Variants in KANK2 observed in about 807,000 individuals in gnomAD.
KANK2 encodes KN motif and ankyrin repeat domain-containing protein 2.
In KANK2, 41 loss-of-function variants were observed where a neutral mutation model predicts 74.6. The ratio of observed to expected loss-of-function variants is 0.55; its 90% CI spans 0.43 to 0.71. KANK2 has a LOEUF of 0.71. KANK2 is among the 30% of genes least tolerant of loss of function. The pLI is 0.00. For missense variants in KANK2, 1,148 were observed against 1,196.4 expected, an observed-to-expected ratio of 0.96 and a Z score of 0.60; for synonymous variants, 537 against 519.0, an observed-to-expected ratio of 1.03 and a Z score of -0.47.
At chr19:11,173,805 T>C (rs1224638863) in intron 9 of KANK2, among the ~76,000 whole-genome samples, 9 of 151,712 alleles carry the variant, frequency 5.9e-5, no homozygotes, top group Admixed American at 5.3e-4. Context: ...GTCTCCCTCG[T>C]TAGACTGGGA....
rs140017516 is a variant in KANK2, at chr19:11,174,497, C to T, written c.2044G>A (p.Val682Met). ...CCGCTGTCGAGCAGCTGCTGCACCA[C>T]GGGGAAGTTGGCATGAGACACGGAG... is the stretch of plus-strand genomic sequence containing the variant. ...HYSVSHANFP[V>M]VQQLLDSGVC... The change falls in exon 9 of 13, where the codon GTG becomes ATG. Residue 682 changes from valine (V) to methionine (M), a missense_variant. Physicochemically the swap from Val to Met is conservative, Grantham distance 21. Transcript: ENST00000586659. The T allele has an allele frequency of 2.8e-5, 45 of 1,612,228 alleles. No homozygotes were observed. Among genetic ancestry groups the T allele is most frequent in the Non-Finnish European group, 3.5e-5 (41 of 1,179,284 alleles).
chr19:11,173,167 G>C (rs752098596), intron 9 of KANK2, 44 bp from the exon 10 acceptor site: 1 of 1,587,782 alleles, frequency 6.3e-7, no homozygotes, highest in Non-Finnish European at 8.6e-7. Context: ...ATCGCTGCTA[G>C]TGGACTGCCC....
At chr19:11,172,017 CCAGG>C (rs1292133510) in intron 10 of KANK2, among the ~76,000 whole-genome samples, 4 of 149,064 alleles carry the variant, frequency 2.7e-5, no homozygotes, top group Non-Finnish European at 5.9e-5. Flanking sequence ...ACTCTGTAGC[CCAGG>C]CTGGAGGACA....
rs2078894854 is a variant in KANK2, at chr19:11,192,918, T to C, written c.1162A>G (p.Met388Val). ...VFRSQEVVET[M>V]CPVPAAATSN... ...GTAGCTGCAGCGGGCACTGGGCACA[T>C]TGTCTCCACCACCTCCTGGCTGCGG... The change falls in exon 4 of 13, where the codon ATG becomes GTG. Residue 388 changes from methionine (M) to valine (V), a missense_variant. By Grantham distance (21) the Met-to-Val change is conservative (BLOSUM62 1). Transcript: ENST00000586659. 1.9e-6 allele frequency: 3 copies of C among 1,614,040 alleles called. No homozygotes were observed. In the South Asian group the frequency reaches 3.3e-5, roughly 18 times the overall value.
rs150349589 is a variant in KANK2, at chr19:11,175,923, G to T, written c.1827C>A (p.Asn609Lys). Residue 609 changes from asparagine (N) to lysine (K), a missense_variant, in exon 8 of 13, where the codon AAC (asparagine) becomes AAA (lysine). Coordinates refer to ENST00000586659, the MANE Select transcript of KANK2 (RefSeq NM_001136191.3). Reference protein sequence around the residue: ...LALEKYLDNPNALTERELKVA... With the variant: ...LALEKYLDNPKALTERELKVA... ...GTACCAGCTCCCGCTCTGTGAGGGC[G>T]TTGGGATTGTCCAGGTACTTTTCCA... 267 of 1,613,678 alleles carry T rather than the reference G, an allele frequency of 1.7e-4. 2 individuals carry two copies. The African/African-American group carries it at 3.1e-3, about 19-fold the overall frequency.
intron 4 of KANK2, among the ~76,000 whole-genome samples, chr19:11,180,143 G>A (rs527413389): frequency 2.1e-4 from 32 of 152,268 alleles, no homozygotes; most frequent in Admixed American, 7.8e-4. Flanking sequence ...GAGCAGCACC[G>A]CCCAGCCCAT....
Position 11,178,706 on chromosome 19 carries a change from G to T in KANK2, c.1264C>A (p.Pro422Thr). ...CDGAAGLPEV[P>T]AESSSSPPGS... Reference sequence around the variant, plus strand: ...GGGGGTGACGAAGACGATTCGGCAGGAACTTCTGGGAGGCCTGGAGGGACA... The same window carrying T: ...GGGGGTGACGAAGACGATTCGGCAGTAACTTCTGGGAGGCCTGGAGGGACA... The change falls in exon 5 of 13, where the codon CCT becomes ACT. Residue 422 changes from proline to threonine, a missense_variant. Pro to Thr is a conservative substitution (Grantham distance 38). Transcript: ENST00000586659. 1.3e-6 allele frequency: 2 copies of T among 1,534,990 alleles called. No individual in the cohort carries two copies. The highest frequency in any genetic ancestry group is 1.7e-6 in the Non-Finnish European group (2 of 1,146,484).
At chr19:11,194,636 G>T in intron 2 of KANK2, 46 bp from the exon 3 acceptor site, 1 of 745,880 alleles carries the variant, frequency 1.3e-6, no homozygotes, top group Non-Finnish European at 2.4e-6. Context: ...GTCTGTAGGG[G>T]GAGGGGAGGA....
chr19:11,192,899 G>A lies in KANK2; in HGVS notation c.1181C>T (p.Ala394Val). 9 of 1,614,072 alleles carry A rather than the reference G, an allele frequency of 5.6e-6. No individual in the cohort carries two copies. Among genetic ancestry groups the A allele is most frequent in the Non-Finnish European group, 6.8e-6 (8 of 1,179,994 alleles). Residue 394 changes from alanine (A) to valine (V), a missense_variant, in exon 4 of 13, where the codon GCA (alanine) becomes GTA (valine). Coordinates refer to ENST00000586659, the MANE Select transcript of KANK2 (RefSeq NM_001136191.3). ...CACCATATGGACGTTGCTGGTAGCTGCAGCGGGCACTGGGCACATTGTCTC... is the reference window on the plus strand; with the variant it reads ...CACCATATGGACGTTGCTGGTAGCTACAGCGGGCACTGGGCACATTGTCTC... Reference protein sequence around the residue: ...VVETMCPVPAAATSNVHMVKK... With the variant: ...VVETMCPVPAVATSNVHMVKK...
Position 11,170,263 on chromosome 19 carries a change from G to A in KANK2, c.2212-15C>T. ...GTCTGTCCTGCCTGGGGAGGGCAAG[G>A]AACAGGATTATGGTTCATGCAGGCC... is the stretch of plus-strand genomic sequence containing the variant. On this transcript the variant is annotated splice_polypyrimidine_tract_variant and intron_variant, in intron 10 of 12. Coordinates refer to ENST00000586659, the MANE Select transcript of KANK2 (RefSeq NM_001136191.3). The surrounding 1 kb of genome is among the most constrained non-coding windows in gnomAD (Gnocchi z 5.2). 6.2e-7 allele frequency: 1 copy of A among 1,607,006 alleles called. No individual in the cohort carries two copies. Among genetic ancestry groups the A allele is most frequent in the South Asian group, 1.1e-5 (1 of 91,042 alleles).
In KANK2 at chr19:11,170,175, T is replaced by G; in HGVS notation, c.2285A>C (p.Glu762Ala). ...VDVVKALLAC[E>A]ADVNVQDDDG... ...ATCATCTTGCACGTTGACATCTGCC[T>G]CACAGGCCAGCAGGGCTTTGACAAC... is the stretch of plus-strand genomic sequence containing the variant. Residue 762 changes from glutamate to alanine, a missense_variant, in exon 11 of 13, where the codon GAG (glutamate) becomes GCG (alanine). Transcript: ENST00000586659. The surrounding 1 kb of genome is among the most constrained non-coding windows in gnomAD (Gnocchi z 5.2). 1 of 1,612,082 alleles carries G rather than the reference T, an allele frequency of 6.2e-7. No homozygotes were observed. Among genetic ancestry groups the G allele is most frequent in the African/African-American group, 1.3e-5 (1 of 75,058 alleles).
At chr19:11,172,438 T>TC (rs1234542747) in intron 10 of KANK2, among the ~76,000 whole-genome samples, 1 of 152,190 alleles carries the variant, frequency 6.6e-6, no homozygotes, top group East Asian at 1.9e-4. Flanking sequence ...CTCCTCACTG[T>TC]CCTCAGTGGG....
At chr19:11,190,631 G>A (rs2078814592) in intron 4 of KANK2, among the ~76,000 whole-genome samples, 1 of 152,148 alleles carries the variant, frequency 6.6e-6, no homozygotes. Flanking sequence ...CACAGATAGG[G>A]ACGTTTAGGG....
chr19:11,191,884 T>C (rs2078856577), intron 4 of KANK2, among the ~76,000 whole-genome samples: 1 of 151,980 alleles, frequency 6.6e-6, no homozygotes, highest in East Asian at 1.9e-4. Context: ...ATAACAAGAC[T>C]TTGTCTCTAC....
At chr19:11,182,507 C>T (rs190664184) in intron 4 of KANK2, among the ~76,000 whole-genome samples, 17 of 149,016 alleles carry the variant, frequency 1.1e-4, no homozygotes, top group African/African-American at 3.2e-4. Context: ...GCCTGGGTGA[C>T]GGAGTGAGAC....
chr19:11,185,356 T>C (rs2078646591), intron 4 of KANK2, among the ~76,000 whole-genome samples: 1 of 147,974 alleles, frequency 6.8e-6, no homozygotes, highest in African/African-American at 2.5e-5. Context: ...AACTAATTTT[T>C]AATTAGTAGA....
rs1203760756 is a variant in KANK2, at chr19:11,166,942, C to T, written c.2503-331G>A. On this transcript the variant is annotated intron_variant, in intron 12 of 12. Transcript: ENST00000586659. ...CAGCGGAAACAGCACGTGCAAAGGC[C>T]CTGGGATAAGTGCAGAGGGGTGTGG... Among the ~76,000 whole-genome samples, 4 of 152,026 alleles carry T rather than the reference C, an allele frequency of 2.6e-5. No homozygotes were observed. In the East Asian group the frequency reaches 7.7e-4, roughly 29 times the overall value.
At chr19:11,178,313 A>T in intron 6 of KANK2, 32 bp downstream of exon 6, 1 of 600,714 alleles carries the variant, frequency 1.7e-6, no homozygotes, top group Non-Finnish European at 2.4e-6. Context: ...GGCGGGAAGT[A>T]TGGGGTGGGG....
At position 11,174,531 on chromosome 19, in the gene KANK2, G is replaced by A; in HGVS notation, c.2010C>T (p.Ala670=). 2 of 1,613,698 alleles carry A rather than the reference G, an allele frequency of 1.2e-6. No individual in the cohort carries two copies. The highest frequency in any genetic ancestry group is 1.7e-6 in the Non-Finnish European group (2 of 1,179,840). Reference sequence around the variant, plus strand: ...TGGCATGAGACACGGAGTAGTGCAGGGCTGTGTTGCCGTTGCTGTCGGCGA... The same window carrying A: ...TGGCATGAGACACGGAGTAGTGCAGAGCTGTGTTGCCGTTGCTGTCGGCGA... ...VNIADSNGNT[A]LHYSVSHANF... is the part of the protein sequence containing the mutation. The change falls in exon 9 of 13, where the codon GCC becomes GCT. Residue 670 remains alanine (A), a synonymous_variant. Transcript: ENST00000586659.
Sources: gnomAD v4.1 joint callset for allele counts (sites outside exome capture counted in the v4.1 genomes callset) on GRCh38, gnomAD v4.1.1 for gene constraint, Gnocchi (gnomAD v3.1) non-coding constraint, MANE v1.5 for transcripts, NCBI Gene and HGNC (gene_info 2026-07-23, HGNC 2026-07-21) for gene names.